The following GSE1 variants were observed in gnomAD, a reference collection of about 807,000 sequenced individuals.
GSE1 encodes the protein genetic suppressor element 1.
A neutral mutation model predicts 112.6 loss-of-function variants in GSE1; 32 were observed. That is an observed-to-expected ratio of 0.28 (90% CI 0.21 to 0.38). The LOEUF is 0.38. Among genes scored for constraint, GSE1 ranks in the 10% least tolerant of loss-of-function variants. The pLI is 1.00. For synonymous variants in GSE1, 1,115 were observed against 735.6 expected (o/e 1.52, Z -8.35); for missense variants, 2,348 against 1,699.2 (o/e 1.38, Z -6.71).
chr16:85,267,609 G>A (rs1377228183), intron 1 of GSE1, among the ~76,000 whole-genome samples: 3 of 152,176 alleles, frequency 2.0e-5, no homozygotes, highest in Non-Finnish European at 4.4e-5. Flanking sequence ...ATTTTATTGA[G>A]CACCTGCTAT....
rs556208781 is a variant in GSE1 at position 85,231,286 on chromosome 16, A to T, written c.2283+59479A>T. 2.7e-4 allele frequency among the ~76,000 whole-genome samples: 27 copies of T among 99,624 alleles called. No individual in the cohort carries two copies. In the South Asian group the frequency reaches 9.6e-3, roughly 35 times the overall value. 65.4% of individuals were successfully genotyped at this position (99,624 alleles called of 152,430 possible). A position where few individuals can be genotyped will look rare whatever the true frequency, so the allele number is the denominator to read the frequency against. ...GGATGGACAGATGAATGGATGGATGAAAGGATGGGTGGATGGATGGACGGA... is the reference window on the plus strand; with the variant it reads ...GGATGGACAGATGAATGGATGGATGTAAGGATGGGTGGATGGATGGACGGA... On this transcript the variant is annotated intron_variant, in intron 1 of 2. Coordinates refer to the GSE1 transcript ENST00000637419.
At chr16:85,176,296 G>A (rs1445046914) in intron 1 of GSE1, among the ~76,000 whole-genome samples, 2 of 152,330 alleles carry the variant, frequency 1.3e-5, no homozygotes, top group East Asian at 1.9e-4. Flanking sequence ...CCTGGAGGTG[G>A]GGCAGTGGCT....
chr16:85,661,305 C>G lies in GSE1; in HGVS notation c.1800C>G (p.Ala600=), dbSNP rs370961757. 2.0e-5 allele frequency: 32 copies of G among 1,612,632 alleles called. No individual in the cohort carries two copies. The Admixed American group carries it at 5.2e-4, about 26-fold the overall frequency. ...LMDNTLETRR[A]ESHSLHSHPA... is the part of the protein sequence containing the mutation. ...ACAACACCTTGGAGACGCGGCGGGC[C>G]GAAAGCCACTCTCTGCACAGCCACC... is the stretch of plus-strand genomic sequence containing the variant. The change falls in exon 9 of 16, where the codon GCC becomes GCG. Residue 600 remains alanine, a synonymous_variant. Transcript: ENST00000253458.
At chr16:85,316,668 T>G (rs1200741983) in intron 1 of GSE1, among the ~76,000 whole-genome samples, 1 of 152,160 alleles carries the variant, frequency 6.6e-6, no homozygotes, top group Non-Finnish European at 1.5e-5. Flanking sequence ...ACGTCCTCAC[T>G]GGGGGCTGCA....
Position 85,169,926 on chromosome 16 carries a change from C to A in GSE1, c.402C>A (p.Ala134=), listed in dbSNP as rs1305701410. 4.1e-6 allele frequency: 4 copies of A among 984,394 alleles called. No individual in the cohort carries two copies. The South Asian group carries it at 1.9e-4, about 46-fold the overall frequency. 61.0% of individuals were successfully genotyped at this position (984,394 alleles called of 1,614,324 possible). A position where few individuals can be genotyped will look rare whatever the true frequency, so the allele number is the denominator to read the frequency against. ...GCGGCCGCCGTGGCGGCGCCGGGGC[C>A]CCCCGCGAGTGGAACGTCGCCTACG... is the stretch of plus-strand genomic sequence containing the variant. Residue 134 remains alanine, a synonymous_variant, in exon 1 of 3, where the codon GCC becomes GCA. Transcript: ENST00000637419.
At chr16:85,226,847 G>A (rs974472920) in intron 1 of GSE1, among the ~76,000 whole-genome samples, 9 of 148,782 alleles carry the variant, frequency 6.0e-5, no homozygotes, top group Non-Finnish European at 1.3e-4. Context: ...GCACCCCTCT[G>A]TTCCTCTGAG....
chr16:85,172,491 C>T (rs992767899), intron 1 of GSE1, among the ~76,000 whole-genome samples: 7 of 152,222 alleles, frequency 4.6e-5, no homozygotes, highest in Non-Finnish European at 7.3e-5. Context: ...TTATAAGGCG[C>T]CTGCCTTCCT....
At chr16:85,496,039 G>C (rs541985628) in intron 2 of GSE1, among the ~76,000 whole-genome samples, 1 of 152,322 alleles carries the variant, frequency 6.6e-6, no homozygotes, top group African/African-American at 2.4e-5. Context: ...GGAATCGATT[G>C]TTCTGCAAGC....
At chr16:85,300,322 A>G (rs748797727) in intron 1 of GSE1, among the ~76,000 whole-genome samples, 3 of 152,166 alleles carry the variant, frequency 2.0e-5, no homozygotes, top group Non-Finnish European at 4.4e-5. Context: ...CATGTTAGCC[A>G]TTTTTAAGTA....
intron 1 of GSE1, among the ~76,000 whole-genome samples, chr16:85,313,845 A>G (rs542035886): frequency 2.6e-5 from 4 of 152,284 alleles, no homozygotes; most frequent in African/African-American, 9.6e-5. Context: ...GGGAGTTGGG[A>G]GGCCGGAGGA....
At chr16:85,553,462 G>T (rs928374286), upstream of GSE1, among the ~76,000 whole-genome samples, 4 of 151,834 alleles carry the variant, frequency 2.6e-5, no homozygotes, top group Admixed American at 2.6e-4. Context: ...GGCCCCGAGC[G>T]GCCGGTTTCC....
intron 2 of GSE1, among the ~76,000 whole-genome samples, chr16:85,377,109 C>T (rs926665602): frequency 1.3e-5 from 2 of 152,188 alleles, no homozygotes; most frequent in African/African-American, 2.4e-5. Context: ...ACAAGGTTGC[C>T]GTGTGTGCAC....
upstream of GSE1, chr16:85,555,437 G>C (rs2045155036): frequency 1.0e-6 from 1 of 982,648 alleles, no homozygotes; most frequent in African/African-American, 1.8e-5. Context: ...AGGGGAGCCG[G>C]CTCCCCAGCC....
chr16:85,515,827 G>A (rs2051914223), intron 2 of GSE1, among the ~76,000 whole-genome samples: 1 of 152,086 alleles, frequency 6.6e-6, no homozygotes, highest in Non-Finnish European at 1.5e-5. Context: ...AAACACGGGG[G>A]AAGAAAGCCG....
intron 2 of GSE1, among the ~76,000 whole-genome samples, chr16:85,498,441 A>G (rs938536497): frequency 6.6e-6 from 1 of 152,134 alleles, no homozygotes; most frequent in Non-Finnish European, 1.5e-5. Context: ...ACACACAGAT[A>G]CCCATGCATA....
At chr16:85,635,289 T>C (rs1233558565) in intron 2 of GSE1, among the ~76,000 whole-genome samples, 1 of 152,066 alleles carries the variant, frequency 6.6e-6, no homozygotes. Flanking sequence ...CTGGTTTCCG[T>C]ACCACCAGGG....
Position 85,214,243 on chromosome 16 carries a change from GC to G in GSE1, c.2283+42443del, listed in dbSNP as rs1282182153. On this transcript the variant is annotated intron_variant, in intron 1 of 2. Coordinates refer to the GSE1 transcript ENST00000637419. Reference sequence around the variant, plus strand: ...GGAAGCCGACTATGCTGGGGTGAGGGCCCCCCCACCCAGATTCTTGTCACCC... The same window carrying G: ...GGAAGCCGACTATGCTGGGGTGAGGGCCCCCCACCCAGATTCTTGTCACCC... Among the ~76,000 whole-genome samples, 3 of 152,010 alleles carry G rather than the reference GC, an allele frequency of 2.0e-5. No individual in the cohort carries two copies. In the East Asian group the frequency reaches 5.8e-4, roughly 29 times the overall value.
chr16:85,647,407 G>C (rs2050964912), intron 2 of GSE1, among the ~76,000 whole-genome samples: 1 of 152,322 alleles, frequency 6.6e-6, no homozygotes, highest in Middle Eastern at 3.4e-3. Context: ...CAAACCTCCT[G>C]ATGTGTACCC....
intron 1 of GSE1, among the ~76,000 whole-genome samples, chr16:85,178,628 G>A (rs1021859365): frequency 7.9e-5 from 12 of 152,114 alleles, no homozygotes; most frequent in South Asian, 6.2e-4. Context: ...ATTTATCCTG[G>A]AAGGCCACGG....
Sources: gnomAD v4.1 joint callset for allele counts (sites outside exome capture counted in the v4.1 genomes callset) on GRCh38, gnomAD v4.1.1 for gene constraint, MANE v1.5 for transcripts, NCBI Gene and HGNC (gene_info 2026-07-23, HGNC 2026-07-21) for gene names.